The following SEC24D variants were observed in gnomAD, a reference collection of about 807,000 sequenced individuals.
SEC24D encodes protein transport protein Sec24D.
Under a neutral mutation model 116.9 loss-of-function variants are expected in SEC24D, and 69 were observed. That is an observed-to-expected ratio of 0.59 (90% CI 0.49 to 0.72). The LOEUF (loss-of-function observed/expected upper bound fraction) is 0.72. Among genes scored for constraint, SEC24D ranks in the 30% least tolerant of loss-of-function variants. The pLI is 0.00. For missense variants in SEC24D, 1,131 were observed against 1,264.1 expected (o/e 0.89, Z 1.60); for synonymous variants, 405 against 442.8 (o/e 0.91, Z 1.07).
intron 5 of SEC24D, 81 bp from the exon 6 acceptor site, chr4:118,815,236 A>G (rs1437376750): frequency 6.6e-7 from 1 of 1,512,294 alleles, no homozygotes; most frequent in Non-Finnish European, 9.0e-7. Flanking sequence ...TATGCTGTTC[A>G]GTCAAGCATG....
At chr4:118,805,688 C>T (rs977362075) in intron 7 of SEC24D, among the ~76,000 whole-genome samples, 155 bp downstream of exon 7, 2 of 152,168 alleles carry the variant, frequency 1.3e-5, no homozygotes, top group African/African-American at 4.8e-5. Context: ...TTGATAGCAT[C>T]CTCTTGGTAC....
At chr4:118,828,747 T>G (rs568992383) in intron 2 of SEC24D, among the ~76,000 whole-genome samples, 1 of 152,348 alleles carries the variant, frequency 6.6e-6, no homozygotes, top group South Asian at 2.1e-4. Flanking sequence ...TGTAGCTTTC[T>G]AAACTGTACA....
chr4:118,812,595 T>C (rs1729964360), intron 6 of SEC24D, among the ~76,000 whole-genome samples: 1 of 151,354 alleles, frequency 6.6e-6, no homozygotes, highest in African/African-American at 2.4e-5. Flanking sequence ...GAGGCGGAGT[T>C]TGGCCGGGGC....
chr4:118,793,151 G>A (rs938327411), intron 8 of SEC24D, among the ~76,000 whole-genome samples: 8 of 152,134 alleles, frequency 5.3e-5, no homozygotes, highest in Non-Finnish European at 1.2e-4. Flanking sequence ...ACGGTGTCAT[G>A]GAAGCCAAAA....
chr4:118,728,586 T>G lies in SEC24D; in HGVS notation c.2933A>C (p.Gln978Pro), dbSNP rs786204846. The G allele has an allele frequency of 1.9e-6, 3 of 1,606,036 alleles. No homozygotes were observed. The highest frequency in any genetic ancestry group is 1.3e-5 in the African/African-American group (1 of 74,822). The change falls in exon 22 of 23, where the codon CAA (glutamine) becomes CCA (proline). Residue 978 changes from glutamine to proline, a missense_variant. Coordinates refer to ENST00000280551, the MANE Select transcript of SEC24D (RefSeq NM_014822.4). ...QQLRMIMGII[Q>P]QKRPYSMKLT... is the part of the protein sequence containing the mutation. The stretch of plus-strand genomic sequence containing the variant: ...CTTCATTGAATATGGCCTCTTTTGT[T>G]GGATAATACCCATTATCATTCTGAG...
At chr4:118,822,237 G>A (rs62329266) in intron 3 of SEC24D, among the ~76,000 whole-genome samples, 36 of 152,244 alleles carry the variant, frequency 2.4e-4, no homozygotes, top group African/African-American at 6.3e-4. Flanking sequence ...TGAGGAAACC[G>A]AGGCACACAG....
intron 8 of SEC24D, among the ~76,000 whole-genome samples, chr4:118,789,991 T>C (rs537907168): frequency 1.5e-4 from 23 of 152,360 alleles, no homozygotes; most frequent in South Asian, 8.3e-4. Flanking sequence ...GCTATCCCCA[T>C]CAGAGCCTTT....
intron 8 of SEC24D, among the ~76,000 whole-genome samples, chr4:118,790,600 CGTATG>C (rs1728852520): frequency 6.6e-6 from 1 of 151,918 alleles, no homozygotes; most frequent in South Asian, 2.1e-4. Context: ...AAATTTAAAA[CGTATG>C]GTAAGGAATA....
intron 8 of SEC24D, among the ~76,000 whole-genome samples, chr4:118,785,500 G>A (rs184061491): frequency 5.3e-4 from 81 of 152,254 alleles, no homozygotes; most frequent in Non-Finnish European, 5.9e-5. Context: ...GGCTTGGGAA[G>A]TATCCCAAAA....
At chr4:118,825,628 G>T (rs1175855412) in intron 2 of SEC24D, 2 of 455,888 alleles carry the variant, frequency 4.4e-6, no homozygotes, top group Non-Finnish European at 4.4e-6. Flanking sequence ...CCTGTAAAAT[G>T]AAAGGCTTAG....
intron 10 of SEC24D, chr4:118,758,522 G>C (rs1187559514): frequency 1.3e-5 from 2 of 151,994 alleles, no homozygotes; most frequent in East Asian, 3.9e-4. Context: ...TTTAGTTGTT[G>C]GTCCCTTTAC....
rs1726202283 is a variant in SEC24D at position 118,741,047 on chromosome 4, A to G, written c.1996-10T>C. 3 of 1,493,134 alleles carry G rather than the reference A, an allele frequency of 2.0e-6. No individual in the cohort carries two copies. The highest frequency in any genetic ancestry group is 2.4e-5 in the South Asian group (2 of 82,314). 92.5% of individuals were successfully genotyped at this position (1,493,134 alleles called of 1,614,324 possible). A position where few individuals can be genotyped will look rare whatever the true frequency, so the allele number is the denominator to read the frequency against. ...GTCTATCCAAGTGCATCTAAAAAAT[A>G]AAAGTCTAATCAATGTCCACCAGAT... On this transcript the variant is annotated splice_polypyrimidine_tract_variant and intron_variant, in intron 15 of 22. Transcript: ENST00000280551.
intron 10 of SEC24D, among the ~76,000 whole-genome samples, chr4:118,761,806 C>T (rs1255909332): frequency 1.3e-5 from 2 of 152,156 alleles, no homozygotes; most frequent in African/African-American, 4.8e-5. Flanking sequence ...GTTGTCATGT[C>T]CAGGCTCATA....
chr4:118,774,282 T>C (rs560566701), intron 8 of SEC24D, among the ~76,000 whole-genome samples: 1 of 152,264 alleles, frequency 6.6e-6, no homozygotes, highest in South Asian at 2.1e-4. Context: ...CCTCTTTAAT[T>C]TGGAAGTTAG....
At chr4:118,726,748 GT>G (rs1036626369) in intron 22 of SEC24D, among the ~76,000 whole-genome samples, 18 of 152,008 alleles carry the variant, frequency 1.2e-4, no homozygotes, top group African/African-American at 4.1e-4. Context: ...CTTGGTTTCG[GT>G]CATCTGTAGA....
intron 21 of SEC24D, chr4:118,729,072 A>G (rs1324674896): frequency 6.4e-6 from 1 of 156,998 alleles, no homozygotes; most frequent in Non-Finnish European, 1.4e-5. Flanking sequence ...TAGTTTAACA[A>G]CTATTTACAT....
intron 15 of SEC24D, among the ~76,000 whole-genome samples, chr4:118,743,715 T>G (rs182668970): frequency 6.1e-4 from 93 of 152,296 alleles, no homozygotes; most frequent in African/African-American, 2.2e-3. Flanking sequence ...AAATAATTGT[T>G]ATCCTATAGG....
At chr4:118,800,628 G>A (rs1198140861) in intron 7 of SEC24D, among the ~76,000 whole-genome samples, 2 of 152,282 alleles carry the variant, frequency 1.3e-5, no homozygotes, top group African/African-American at 2.4e-5. Context: ...AGAAGGGGAA[G>A]ACACAGTACT....
At chr4:118,786,783 G>A (rs1728679556) in intron 8 of SEC24D, among the ~76,000 whole-genome samples, 1 of 152,128 alleles carries the variant, frequency 6.6e-6, no homozygotes, top group Non-Finnish European at 1.5e-5. Context: ...GCTGATTTGG[G>A]TCCTCAATCT....
Sources: gnomAD v4.1 joint callset for allele counts (sites outside exome capture counted in the v4.1 genomes callset) on GRCh38, gnomAD v4.1.1 for gene constraint, MANE v1.5 for transcripts, NCBI Gene and HGNC (gene_info 2026-07-23, HGNC 2026-07-21) for gene names.